Variants in GALNTL5 observed in about 807,000 individuals in gnomAD.
GALNTL5 encodes the protein inactive polypeptide N-acetylgalactosaminyltransferase-like protein 5.
In GALNTL5, 44 loss-of-function variants were observed where a neutral mutation model predicts 51.0. That is an observed-to-expected ratio of 0.86 (90% CI 0.68 to 1.11). GALNTL5 has a LOEUF of 1.11. Among genes scored for constraint, GALNTL5 ranks in the 50% least tolerant of loss-of-function variants. The pLI is 0.00. For synonymous variants in GALNTL5, 192 were observed against 182.8 expected (o/e 1.05, Z -0.41); for missense variants, 528 against 531.8 (o/e 0.99, Z 0.07).
intron 3 of GALNTL5, among the ~76,000 whole-genome samples, chr7:151,971,282 G>A (rs976829629): frequency 2.0e-5 from 3 of 151,996 alleles, no homozygotes; most frequent in Non-Finnish European, 1.5e-5. Context: ...CTTCTTCGTG[G>A]GCACAAAATG....
At chr7:152,009,514 G>A (rs2081700772) in intron 7 of GALNTL5, among the ~76,000 whole-genome samples, 1 of 152,152 alleles carries the variant, frequency 6.6e-6, no homozygotes, top group Non-Finnish European at 1.5e-5. Flanking sequence ...TCATCTCTTA[G>A]ACACAGGTGT....
chr7:152,002,405 C>CA (rs1225616876), intron 5 of GALNTL5, among the ~76,000 whole-genome samples: 1 of 152,226 alleles, frequency 6.6e-6, no homozygotes, highest in Admixed American at 6.5e-5. Context: ...GCTGATCAGT[C>CA]AAGACCAAGC....
Position 152,002,919 on chromosome 7 carries a change from C to T in GALNTL5, c.864C>T (p.Phe288=), listed in dbSNP as rs1700518420. 6.2e-7 allele frequency: 1 copy of T among 1,613,962 alleles called. No homozygotes were observed. Among genetic ancestry groups the T allele is most frequent in the Admixed American group, 1.7e-5 (1 of 59,996 alleles). ...TACAATTTAAATGGGATAATGTTTT[C>T]TCTTATGAGATGGATGGACCAGAAG... The part of the protein sequence containing the change: ...WNLQFKWDNV[F]SYEMDGPEGS... The change falls in exon 6 of 9, where the codon TTC becomes TTT. Residue 288 remains phenylalanine (F), a synonymous_variant. Transcript: ENST00000392800.
At chr7:151,991,131 C>T (rs1380179105) in intron 5 of GALNTL5, among the ~76,000 whole-genome samples, 1 of 152,028 alleles carries the variant, frequency 6.6e-6, no homozygotes, top group African/African-American at 2.4e-5. Flanking sequence ...CTCGCTCTGT[C>T]GCCCAGGCTG....
At chr7:151,996,717 C>G (rs932783591) in intron 5 of GALNTL5, among the ~76,000 whole-genome samples, 1 of 151,410 alleles carries the variant, frequency 6.6e-6, no homozygotes, top group Non-Finnish European at 1.5e-5. Context: ...CCACTGTGCT[C>G]TAGACAGAGC....
In GALNTL5 at chr7:151,983,018, C is replaced by A. The variant is rs182110483; in HGVS notation, c.401C>A (p.Pro134Gln). 1 of 1,614,176 alleles carries A rather than the reference C, an allele frequency of 6.2e-7. No homozygotes were observed. The highest frequency in any genetic ancestry group is 8.5e-7 in the Non-Finnish European group (1 of 1,180,018). Residue 134 changes from proline to glutamine, a missense_variant, in exon 4 of 9, where the codon CCG becomes CAG. By Grantham distance (76) the Pro-to-Gln change is moderately conservative. Transcript: ENST00000392800. ...CLQKHYPARL[P>Q]TASIVICFYN... is the part of the protein sequence containing the mutation. ...CAAAAACATTACCCAGCCCGCCTCC[C>A]GACTGCCAGCATTGTCATTTGCTTC...
At chr7:152,019,474 G>A (rs1248418579) in intron 8 of GALNTL5, among the ~76,000 whole-genome samples, 172 bp from the exon 9 acceptor site, 2 of 152,196 alleles carry the variant, frequency 1.3e-5, no homozygotes, top group African/African-American at 2.4e-5. Context: ...GGGTAAATCC[G>A]AGGTCCCATA....
intron 5 of GALNTL5, among the ~76,000 whole-genome samples, chr7:151,995,831 G>T (rs950124886): frequency 2.6e-5 from 4 of 152,130 alleles, no homozygotes; most frequent in African/African-American, 9.7e-5. Flanking sequence ...TATTAATGGT[G>T]GAAAGGCTCT....
chr7:151,962,800 GC>G (rs2151936873), intron 1 of GALNTL5, among the ~76,000 whole-genome samples: 1 of 152,150 alleles, frequency 6.6e-6, no homozygotes, highest in East Asian at 1.9e-4. Context: ...GTAGAGACAA[GC>G]TTTCACCATG....
chr7:151,983,496 G>A (rs1179785028), intron 4 of GALNTL5, among the ~76,000 whole-genome samples: 3 of 152,084 alleles, frequency 2.0e-5, no homozygotes, highest in Admixed American at 2.0e-4. Flanking sequence ...TACTCTGAAG[G>A]TAGTGCGCTC....
rs183341576 is a variant in GALNTL5, at chr7:152,008,707, C to T, written c.1026+763C>T. ...CCTCCAAGCCTCTATCTGATGGTCCCTCTTAAGCTTGTTGTTTTTGTTGTT... is the reference window on the plus strand; with the variant it reads ...CCTCCAAGCCTCTATCTGATGGTCCTTCTTAAGCTTGTTGTTTTTGTTGTT... On this transcript the variant is annotated intron_variant, in intron 7 of 8. Coordinates refer to ENST00000392800, the MANE Select transcript of GALNTL5 (RefSeq NM_145292.4). Among the ~76,000 whole-genome samples, 399 of 151,354 alleles carry T rather than the reference C, an allele frequency of 2.6e-3. 1 individual carries two copies. The highest frequency in any genetic ancestry group is 9.5e-3 in the African/African-American group (393 of 41,158).
At chr7:151,999,380 A>G (rs902663257) in intron 5 of GALNTL5, among the ~76,000 whole-genome samples, 9 of 152,216 alleles carry the variant, frequency 5.9e-5, no homozygotes, top group African/African-American at 1.2e-4. Context: ...TCCTAGGAAT[A>G]GAATTGCTGG....
chr7:151,981,544 CCCTTCCTT>C (rs201218158), intron 3 of GALNTL5, among the ~76,000 whole-genome samples: 5 of 130,660 alleles, frequency 3.8e-5, no homozygotes, highest in African/African-American at 5.9e-5. Context: ...CATCTCTCTT[CCCTTCCTT>C]CCTTCCTTCC....
At chr7:151,985,297 G>A (rs1919522) in intron 4 of GALNTL5, among the ~76,000 whole-genome samples, 29,220 of 152,006 alleles carry the variant, frequency 0.19, 2,922 homozygotes, top group South Asian at 0.25. Context: ...GAGAGACTAG[G>A]GGGTCGCTGC....
At chr7:151,963,660 A>G (rs907343137) in intron 1 of GALNTL5, among the ~76,000 whole-genome samples, 6 of 152,264 alleles carry the variant, frequency 3.9e-5, no homozygotes, top group South Asian at 4.1e-4. Context: ...GGCCTCTGGA[A>G]GTGCTGGGAT....
At chr7:151,976,856 T>TG (rs2081212999) in intron 3 of GALNTL5, among the ~76,000 whole-genome samples, 1 of 151,954 alleles carries the variant, frequency 6.6e-6, no homozygotes, top group Admixed American at 6.6e-5. Flanking sequence ...TTAGTAGAGA[T>TG]GGGGTTTCAC....
chr7:152,004,572 A>G (rs1329397963), intron 6 of GALNTL5, among the ~76,000 whole-genome samples: 1 of 152,140 alleles, frequency 6.6e-6, no homozygotes, highest in Non-Finnish European at 1.5e-5. Context: ...TGTACACCGG[A>G]CCCATTAAGT....
At chr7:152,017,165 G>T (rs1051536329) in intron 8 of GALNTL5, among the ~76,000 whole-genome samples, 7 of 152,144 alleles carry the variant, frequency 4.6e-5, no homozygotes, top group Non-Finnish European at 1.0e-4. Flanking sequence ...GACCATCATA[G>T]CGTGTACCTA....
intron 5 of GALNTL5, among the ~76,000 whole-genome samples, chr7:151,989,469 T>C (rs905797832): frequency 6.6e-6 from 1 of 152,184 alleles, no homozygotes; most frequent in Non-Finnish European, 1.5e-5. Flanking sequence ...GATTTTATAA[T>C]TGATTTTCAT....
Sources: gnomAD v4.1 joint callset for allele counts (sites outside exome capture counted in the v4.1 genomes callset) on GRCh38, gnomAD v4.1.1 for gene constraint, MANE v1.5 for transcripts, NCBI Gene and HGNC (gene_info 2026-07-23, HGNC 2026-07-21) for gene names.